Variants in ADAMTS20 observed in about 807,000 individuals in gnomAD.
ADAMTS20 encodes A disintegrin and metalloproteinase with thrombospondin motifs 20.
ADAMTS20 carries 225 observed loss-of-function variants against 260.1 expected under a neutral mutation model. The ratio of observed to expected loss-of-function variants is 0.87; its 90% CI spans 0.78 to 0.97. ADAMTS20 has a LOEUF of 0.97. Among genes scored for constraint, ADAMTS20 ranks in the 50% least tolerant of loss-of-function variants. ADAMTS20 has a pLI of 0.00. For missense variants in ADAMTS20, 2,400 were observed against 2,337.7 expected, an observed-to-expected ratio of 1.03 and a Z score of -0.55; for synonymous variants, 802 against 769.5, an observed-to-expected ratio of 1.04 and a Z score of -0.70.
rs538061306 is a variant in ADAMTS20 at position 43,375,235 on chromosome 12, T to G, written c.5446+144A>C. On this transcript the variant is annotated intron_variant, in intron 36 of 38. Transcript: ENST00000389420. ...TGTCATTGCAGAGGAAGTATGTAGC[T>G]AACTGTTTTTAAAAAAAGTAAGTAA... 163 of 580,608 alleles carry G rather than the reference T, an allele frequency of 2.8e-4. 1 individual carries two copies. In the South Asian group the frequency reaches 3.1e-3, roughly 11 times the overall value. 36.0% of individuals were successfully genotyped at this position (580,608 alleles called of 1,614,324 possible).
At chr12:43,387,422 G>A (rs920187510) in intron 29 of ADAMTS20, among the ~76,000 whole-genome samples, 1 of 152,192 alleles carries the variant, frequency 6.6e-6, no homozygotes, top group South Asian at 2.1e-4. Context: ...TGAGGTGTCT[G>A]TTGACCCCTG....
chr12:43,427,799 C>A (rs1256698234), intron 26 of ADAMTS20, among the ~76,000 whole-genome samples: 1 of 152,130 alleles, frequency 6.6e-6, no homozygotes, highest in African/African-American at 2.4e-5. Context: ...AATTACTTAA[C>A]TTTACACTGG....
chr12:43,528,702 T>A (rs956651637), intron 3 of ADAMTS20, among the ~76,000 whole-genome samples: 5 of 151,920 alleles, frequency 3.3e-5, no homozygotes, highest in South Asian at 4.2e-4. Flanking sequence ...ACCATAAAAA[T>A]CCTAGAAGAA....
At chr12:43,470,210 G>A (rs144550249) in intron 7 of ADAMTS20, among the ~76,000 whole-genome samples, 9 of 152,228 alleles carry the variant, frequency 5.9e-5, no homozygotes, top group South Asian at 2.1e-4. Context: ...TAAGGGAAAC[G>A]CATTTCTTTC....
At chr12:43,382,650 T>C (rs1225529437) in intron 31 of ADAMTS20, among the ~76,000 whole-genome samples, 1 of 151,972 alleles carries the variant, frequency 6.6e-6, no homozygotes, top group African/African-American at 2.4e-5. Flanking sequence ...CAGAAGAAGA[T>C]GTTAAAAAGA....
intron 4 of ADAMTS20, among the ~76,000 whole-genome samples, chr12:43,496,068 ACT>A (rs1942673979): frequency 6.6e-6 from 1 of 152,226 alleles, no homozygotes; most frequent in Non-Finnish European, 1.5e-5. Context: ...TGTACAATGC[ACT>A]TCTCTCCTTC....
chr12:43,360,198 C>T (rs998924735), intron 37 of ADAMTS20, among the ~76,000 whole-genome samples: 13 of 152,262 alleles, frequency 8.5e-5, no homozygotes, highest in African/African-American at 3.1e-4. Flanking sequence ...CCTGTAATCC[C>T]TGCACTTTGG....
chr12:43,524,452 T>G (rs960057432), intron 3 of ADAMTS20, among the ~76,000 whole-genome samples: 1 of 151,668 alleles, frequency 6.6e-6, no homozygotes, highest in African/African-American at 2.4e-5. Context: ...AAAACAAGGC[T>G]CTATAAAACA....
At chr12:43,516,333 G>A (rs889972041) in intron 3 of ADAMTS20, among the ~76,000 whole-genome samples, 1 of 152,162 alleles carries the variant, frequency 6.6e-6, no homozygotes, top group African/African-American at 2.4e-5. Flanking sequence ...TCTGAATGGT[G>A]CAATTCTGAA....
At chr12:43,443,126 G>C (rs150585371) in intron 16 of ADAMTS20, among the ~76,000 whole-genome samples, 94 of 152,266 alleles carry the variant, frequency 6.2e-4, no homozygotes, top group African/African-American at 2.1e-3. Flanking sequence ...ACCTACTCCA[G>C]CTTGGTGAAT....
intron 7 of ADAMTS20, among the ~76,000 whole-genome samples, chr12:43,472,419 A>G (rs1175058510): frequency 2.2e-5 from 3 of 137,590 alleles, no homozygotes; most frequent in Non-Finnish European, 4.7e-5. Flanking sequence ...TCTGCAGGAT[A>G]TTATCCAGGA....
At chr12:43,440,971 A>T (rs543080113) in intron 16 of ADAMTS20, among the ~76,000 whole-genome samples, 47 of 151,644 alleles carry the variant, frequency 3.1e-4, no homozygotes, top group Non-Finnish European at 5.7e-4. Flanking sequence ...AGGCTGAGGC[A>T]GGAGAATGGC....
chr12:43,488,562 A>G (rs1435600868), intron 7 of ADAMTS20, among the ~76,000 whole-genome samples: 4 of 152,180 alleles, frequency 2.6e-5, no homozygotes, highest in Non-Finnish European at 5.9e-5. Context: ...GGAGACTGAC[A>G]TGTTTTGTAG....
chr12:43,537,247 G>T (rs1000034831), intron 2 of ADAMTS20, among the ~76,000 whole-genome samples: 1 of 151,550 alleles, frequency 6.6e-6, no homozygotes, highest in African/African-American at 2.4e-5. Context: ...TAGAGATGGG[G>T]TTTCACTATG....
rs2137447861 is a variant in ADAMTS20, at chr12:43,502,204, A to C, written c.815T>G (p.Val272Gly). 6.2e-7 allele frequency: 1 copy of C among 1,609,972 alleles called. No individual in the cohort carries two copies. The highest frequency in any genetic ancestry group is 1.1e-5 in the South Asian group (1 of 90,256). ...EIMVTADAKV[V>G]SAHGSNLQNY... ...TTGCAAATTCGATCCATGAGCAGAA[A>C]CCACTTTAGCATCAGCTGTAACCAT... is the stretch of plus-strand genomic sequence containing the variant. The change falls in exon 4 of 39, where the codon GTT becomes GGT. Residue 272 changes from valine (V) to glycine (G), a missense_variant. Physicochemically the swap from Val to Gly is moderately radical, Grantham distance 109 (BLOSUM62 -3). Transcript: ENST00000389420.
At chr12:43,396,470 T>C (rs1258102514) in intron 29 of ADAMTS20, among the ~76,000 whole-genome samples, 2 of 152,206 alleles carry the variant, frequency 1.3e-5, no homozygotes, top group African/African-American at 2.4e-5. Context: ...TGTAGTGCAA[T>C]GACAGCTTGC....
intron 28 of ADAMTS20, among the ~76,000 whole-genome samples, chr12:43,409,025 T>C (rs540752355): frequency 6.6e-6 from 1 of 152,270 alleles, no homozygotes; most frequent in South Asian, 2.1e-4. Context: ...TGTATTCCTT[T>C]TTTTTACTTC....
At chr12:43,370,670 T>G (rs1940087789) in intron 36 of ADAMTS20, among the ~76,000 whole-genome samples, 1 of 152,212 alleles carries the variant, frequency 6.6e-6, no homozygotes, top group Admixed American at 6.5e-5. Flanking sequence ...GACCTACAGA[T>G]ATCTGTAATT....
At chr12:43,477,013 C>A (rs1592089527) in intron 7 of ADAMTS20, among the ~76,000 whole-genome samples, 4 of 135,526 alleles carry the variant, frequency 3.0e-5, no homozygotes, top group African/African-American at 2.7e-5. Flanking sequence ...AAAAAAGTGT[C>A]AGACATGATA....
Sources: gnomAD v4.1 joint callset for allele counts (sites outside exome capture counted in the v4.1 genomes callset) on GRCh38, gnomAD v4.1.1 for gene constraint, MANE v1.5 for transcripts, NCBI Gene and HGNC (gene_info 2026-07-23, HGNC 2026-07-21) for gene names.